DCP1A: variants seen among roughly 807,000 people sequenced by gnomAD.
DCP1A encodes mRNA-decapping enzyme 1A.
DCP1A carries 20 observed loss-of-function variants against 58.0 expected under a neutral mutation model. That is an observed-to-expected ratio of 0.34 (90% CI 0.24 to 0.50). The LOEUF (loss-of-function observed/expected upper bound fraction) is 0.50, where lower values mean the gene tolerates loss of function less well. DCP1A is among the 20% of genes least tolerant of loss of function. DCP1A has a pLI of 0.98. For synonymous variants in DCP1A, 285 were observed against 275.1 expected (o/e 1.04, Z -0.36); for missense variants, 613 against 712.2 (o/e 0.86, Z 1.59).
chr3:53,290,858 T>C lies in DCP1A; in HGVS notation c.1384-2A>G, dbSNP rs782540039. On this transcript the variant is annotated splice_acceptor_variant, in intron 7 of 9. Transcript: ENST00000610213. LOFTEE classifies it high-confidence loss of function. ...AGGATCCTGGTTCTGCTGCATAGAC[T>C]GAAATGTTTATGAAGAAAAGACAGA... The C allele has an allele frequency of 6.2e-7, 1 of 1,607,464 alleles. No homozygotes were observed. Among genetic ancestry groups the C allele is most frequent in the East Asian group, 2.2e-5 (1 of 44,718 alleles).
At chr3:53,337,014 C>T (rs1473311531) in intron 3 of DCP1A, among the ~76,000 whole-genome samples, 4 of 151,940 alleles carry the variant, frequency 2.6e-5, no homozygotes, top group African/African-American at 9.7e-5. Flanking sequence ...GGACTACAGG[C>T]GTGCACCACC....
At chr3:53,314,963 C>T (rs182600638) in intron 4 of DCP1A, among the ~76,000 whole-genome samples, 8 of 152,152 alleles carry the variant, frequency 5.3e-5, no homozygotes, top group Admixed American at 1.3e-4. Context: ...TGAGCCACTG[C>T]GCCCAGCCAG....
At chr3:53,333,638 TA>T (rs35601832) in intron 3 of DCP1A, among the ~76,000 whole-genome samples, 58 of 146,808 alleles carry the variant, frequency 4.0e-4, no homozygotes, top group East Asian at 4.0e-4. Flanking sequence ...CCCTAACTCT[TA>T]AAAAAAAAAA....
intron 7 of DCP1A, 88 bp from the exon 8 acceptor site, chr3:53,290,944 G>T: frequency 8.5e-7 from 1 of 1,182,920 alleles, no homozygotes; most frequent in Non-Finnish European, 1.2e-6. Flanking sequence ...GACTTTCCCA[G>T]TGGAAAATCT....
chr3:53,334,944 T>C (rs1191773361), intron 3 of DCP1A, among the ~76,000 whole-genome samples: 1 of 151,562 alleles, frequency 6.6e-6, no homozygotes, highest in African/African-American at 2.4e-5. Context: ...CTCAATATAT[T>C]ATTCTTTTGT....
At chr3:53,297,289 TTA>T (rs2106807127) in intron 6 of DCP1A, among the ~76,000 whole-genome samples, 1 of 152,304 alleles carries the variant, frequency 6.6e-6, no homozygotes, top group East Asian at 1.9e-4. Flanking sequence ...TTTATACACA[TTA>T]TATGTTTAGA....
chr3:53,309,660 G>A (rs1707585522), intron 5 of DCP1A, among the ~76,000 whole-genome samples: 1 of 152,182 alleles, frequency 6.6e-6, no homozygotes, highest in African/African-American at 2.4e-5. Flanking sequence ...GGCTAATTGG[G>A]AGGCTAAGAT....
chr3:53,292,714 T>C lies in DCP1A; in HGVS notation c.738A>G (p.Pro246=), dbSNP rs1362096375. 6 of 1,613,800 alleles carry C rather than the reference T, an allele frequency of 3.7e-6. No homozygotes were observed. The highest frequency in any genetic ancestry group is 2.7e-5 in the African/African-American group (2 of 74,938). The change falls in exon 7 of 10, where the codon CCA becomes CCG. Residue 246 remains proline, a synonymous_variant. Coordinates refer to ENST00000610213, the MANE Select transcript of DCP1A (RefSeq NM_018403.7). ...TGGGCTCTTTCTGGGAGGCATCTCCTGGCAACCTCTCCATTTCTTCTGAAT... is the reference window on the plus strand; with the variant it reads ...TGGGCTCTTTCTGGGAGGCATCTCCCGGCAACCTCTCCATTTCTTCTGAAT... ...GLDSEEMERL[P]GDASQKEPNS... is the part of the protein sequence containing the mutation.
intron 4 of DCP1A, 42 bp downstream of exon 4, chr3:53,319,365 T>A (rs1553689630): frequency 4.0e-6 from 5 of 1,237,400 alleles, no homozygotes; most frequent in Non-Finnish European, 5.7e-6. Flanking sequence ...ATTTTTCATT[T>A]CTCACATATC....
intron 3 of DCP1A, among the ~76,000 whole-genome samples, chr3:53,320,062 T>C (rs1336470966): frequency 1.3e-5 from 2 of 150,536 alleles, no homozygotes; most frequent in African/African-American, 2.5e-5. Context: ...CGGGAGGCAG[T>C]GGTTGCAGTG....
intron 1 of DCP1A, 111 bp downstream of exon 1, chr3:53,347,272 C>G: frequency 7.6e-7 from 1 of 1,314,612 alleles, no homozygotes; most frequent in Non-Finnish European, 9.9e-7. Context: ...CTGGCCTCGT[C>G]TCCACCGCCC....
At chr3:53,289,148 C>G (rs563641367) in intron 8 of DCP1A, among the ~76,000 whole-genome samples, 1 of 151,018 alleles carries the variant, frequency 6.6e-6, no homozygotes, top group Non-Finnish European at 1.5e-5. Flanking sequence ...TTTGTAAAGA[C>G]GAGGTCTCAC....
chr3:53,339,880 T>TA (rs1266146175), intron 3 of DCP1A, among the ~76,000 whole-genome samples: 16 of 151,598 alleles, frequency 1.1e-4, no homozygotes, highest in South Asian at 2.1e-4. Context: ...CTATTTCACT[T>TA]AAAAAAAAAT....
At chr3:53,294,471 T>G (rs1408541616) in intron 6 of DCP1A, among the ~76,000 whole-genome samples, 1 of 152,024 alleles carries the variant, frequency 6.6e-6, no homozygotes, top group Non-Finnish European at 1.5e-5. Flanking sequence ...GAAGCTGAAG[T>G]TAGTTGTGAA....
At chr3:53,301,502 A>T (rs1430533981) in intron 6 of DCP1A, among the ~76,000 whole-genome samples, 7 of 152,096 alleles carry the variant, frequency 4.6e-5, no homozygotes, top group Admixed American at 3.9e-4. Context: ...CGAACTCCTG[A>T]CCTCAAGTGA....
intron 6 of DCP1A, 38 bp from the exon 7 acceptor site, chr3:53,292,865 G>A (rs1706974673): frequency 1.9e-6 from 3 of 1,550,264 alleles, no homozygotes; most frequent in Non-Finnish European, 1.7e-6. Context: ...AAAGAGGTCT[G>A]TTATAAATCA....
chr3:53,288,976 T>C (rs934479397), intron 8 of DCP1A, among the ~76,000 whole-genome samples: 9 of 151,506 alleles, frequency 5.9e-5, no homozygotes, highest in African/African-American at 1.7e-4. Flanking sequence ...GACTGCACCA[T>C]TGCACTCCAG....
At chr3:53,328,069 G>A (rs1176941840) in intron 3 of DCP1A, among the ~76,000 whole-genome samples, 2 of 151,946 alleles carry the variant, frequency 1.3e-5, no homozygotes, top group Non-Finnish European at 2.9e-5. Context: ...GCAGTGAGCC[G>A]AGATTGCGCC....
At chr3:53,330,327 T>G (rs2106873781) in intron 3 of DCP1A, among the ~76,000 whole-genome samples, 1 of 151,882 alleles carries the variant, frequency 6.6e-6, no homozygotes, top group East Asian at 1.9e-4. Context: ...AGGCCAGGAG[T>G]TGGAGACCAG....
Sources: allele counts gnomAD v4.1 joint callset (sites outside exome capture counted in the v4.1 genomes callset), GRCh38; gene constraint gnomAD v4.1.1; transcripts MANE v1.5; gene names NCBI Gene and HGNC (gene_info 2026-07-23, HGNC 2026-07-21).